The following KIAA0825 variants were observed in gnomAD, a reference collection of about 807,000 sequenced individuals.
KIAA0825 encodes the protein KIAA0825.
A neutral mutation model predicts 147.6 loss-of-function variants in KIAA0825; 119 were observed. That is an observed-to-expected ratio of 0.81 (90% CI 0.69 to 0.94). KIAA0825 has a LOEUF of 0.94. Ranked by LOEUF, KIAA0825 falls within the 40% of genes least tolerant of loss-of-function variation. The probability of loss-of-function intolerance (pLI) is 0.00; values close to 1 mark genes in which losing one functional copy is unlikely to be tolerated. For synonymous variants in KIAA0825, 470 were observed against 518.1 expected (o/e 0.91, Z 1.26); for missense variants, 1,381 against 1,472.7 (o/e 0.94, Z 1.02).
intron 2 of KIAA0825, chr5:94,569,479 G>C (rs1779453303): frequency 2.4e-6 from 1 of 410,634 alleles, no homozygotes; most frequent in Non-Finnish European, 4.5e-6. Flanking sequence ...TTCTCGCACG[G>C]ACTACAACCA....
intron 20 of KIAA0825, among the ~76,000 whole-genome samples, chr5:94,334,728 C>G (rs374298740): frequency 1.3e-5 from 2 of 152,154 alleles, no homozygotes; most frequent in Admixed American, 1.3e-4. Flanking sequence ...AAACAATTTG[C>G]CCACCTCAGC....
intron 16 of KIAA0825, among the ~76,000 whole-genome samples, chr5:94,402,923 A>T (rs1751576752): frequency 6.6e-6 from 1 of 152,102 alleles, no homozygotes; most frequent in South Asian, 2.1e-4. Context: ...CTAGATAGGG[A>T]GAAACTATTT....
At chr5:94,519,115 C>T in intron 5 of KIAA0825, 4 of 641,888 alleles carry the variant, frequency 6.2e-6, no homozygotes, top group Non-Finnish European at 7.7e-6. Context: ...CCGAATTTGG[C>T]AGATGCATCT....
At chr5:94,499,585 TGGGG>T (rs34401680) in intron 5 of KIAA0825, among the ~76,000 whole-genome samples, 752 of 69,768 alleles carry the variant, frequency 0.011, 19 homozygotes, top group Middle Eastern at 0.064. Flanking sequence ...TTTCCCAATC[TGGGG>T]GGGGGGGGGG....
intron 20 of KIAA0825, among the ~76,000 whole-genome samples, chr5:94,241,286 T>C (rs1349451783): frequency 6.6e-6 from 1 of 152,224 alleles, no homozygotes; most frequent in Non-Finnish European, 1.5e-5. Flanking sequence ...GAAGCAAGTT[T>C]TAGGTTCCTG....
chr5:94,409,416 A>G (rs1562468707), intron 15 of KIAA0825, among the ~76,000 whole-genome samples: 1 of 152,214 alleles, frequency 6.6e-6, no homozygotes. Flanking sequence ...ATCCCAGTCC[A>G]AGGAGCAGAA....
chr5:94,594,744 T>C, intron 1 of KIAA0825: 1 of 625,150 alleles, frequency 1.6e-6, no homozygotes, highest in East Asian at 3.8e-5. Flanking sequence ...AAAGGATGCT[T>C]GGATGGACTA....
At chr5:94,359,868 T>G (rs1392383963) in intron 20 of KIAA0825, among the ~76,000 whole-genome samples, 7 of 152,228 alleles carry the variant, frequency 4.6e-5, no homozygotes, top group Admixed American at 4.6e-4. Flanking sequence ...GGATTTAAAC[T>G]AGGGTGAGCA....
At chr5:94,571,547 C>A (rs993699607) in intron 2 of KIAA0825, among the ~76,000 whole-genome samples, 2 of 152,208 alleles carry the variant, frequency 1.3e-5, no homozygotes, top group Non-Finnish European at 2.9e-5. Context: ...TAAATGAAGT[C>A]ATGCCTGACA....
chr5:94,175,283 G>T (rs1264819845), intron 20 of KIAA0825, among the ~76,000 whole-genome samples: 2 of 152,108 alleles, frequency 1.3e-5, no homozygotes, highest in Non-Finnish European at 1.5e-5. Context: ...ATTGCTTCCA[G>T]ATAACTGTCT....
chr5:94,308,788 C>CT (rs1292336912), intron 20 of KIAA0825, among the ~76,000 whole-genome samples: 1 of 151,708 alleles, frequency 6.6e-6, no homozygotes, highest in Admixed American at 6.6e-5. Flanking sequence ...GTCATTGCCC[C>CT]TTTTGGTGGC....
At chr5:94,527,883 A>C (rs1689332602) in intron 3 of KIAA0825, among the ~76,000 whole-genome samples, 1 of 152,054 alleles carries the variant, frequency 6.6e-6, no homozygotes, top group African/African-American at 2.4e-5. Flanking sequence ...TATACAAACT[A>C]GTATGTAATT....
At chr5:94,272,713 C>T (rs1013110116) in intron 20 of KIAA0825, among the ~76,000 whole-genome samples, 9 of 152,090 alleles carry the variant, frequency 5.9e-5, no homozygotes, top group Non-Finnish European at 1.2e-4. Context: ...TCTGGCAAAA[C>T]TTATTACAGT....
intron 2 of KIAA0825, among the ~76,000 whole-genome samples, chr5:94,547,891 AC>A (rs760753263): frequency 6.6e-6 from 1 of 152,032 alleles, no homozygotes; most frequent in East Asian, 1.9e-4. Context: ...AAACAAAAAA[AC>A]CTTTTACCCT....
At chr5:94,279,961 G>T (rs908749359) in intron 20 of KIAA0825, among the ~76,000 whole-genome samples, 1 of 152,046 alleles carries the variant, frequency 6.6e-6, no homozygotes. Context: ...GTTTCAGGCC[G>T]AAAGGACAGC....
chr5:94,335,064 T>C (rs966298747), intron 20 of KIAA0825, among the ~76,000 whole-genome samples: 1 of 152,172 alleles, frequency 6.6e-6, no homozygotes, highest in African/African-American at 2.4e-5. Flanking sequence ...TTCTATACTT[T>C]CAACTATTGC....
At chr5:94,508,358 AAC>A (rs1205199960) in intron 5 of KIAA0825, among the ~76,000 whole-genome samples, 2 of 152,154 alleles carry the variant, frequency 1.3e-5, no homozygotes, top group African/African-American at 4.8e-5. Context: ...GCATTTTTTT[AAC>A]AGTTTAATTT....
intron 20 of KIAA0825, among the ~76,000 whole-genome samples, chr5:94,318,966 A>C (rs939843505): frequency 6.6e-6 from 1 of 151,908 alleles, no homozygotes; most frequent in African/African-American, 2.4e-5. Flanking sequence ...ACACCAGGGC[A>C]AAGTGAGAAG....
intron 20 of KIAA0825, among the ~76,000 whole-genome samples, chr5:94,307,130 C>T (rs574623036): frequency 1.4e-4 from 22 of 151,762 alleles, no homozygotes; most frequent in Non-Finnish European, 2.2e-4. Context: ...TCTACATTCC[C>T]TTATTTACCA....
Sources: gnomAD v4.1 joint callset for allele counts (sites outside exome capture counted in the v4.1 genomes callset) on GRCh38, gnomAD v4.1.1 for gene constraint, MANE v1.5 for transcripts, NCBI Gene and HGNC (gene_info 2026-07-23, HGNC 2026-07-21) for gene names.